Variants in VAV3 observed in about 807,000 individuals in gnomAD.
VAV3 encodes the protein guanine nucleotide exchange factor VAV3.
VAV3 carries 94 observed loss-of-function variants against 131.2 expected under a neutral mutation model. The ratio of observed to expected loss-of-function variants is 0.72; its 90% CI spans 0.61 to 0.85. The LOEUF is 0.85. VAV3 is among the 40% of genes least tolerant of loss of function. The probability of loss-of-function intolerance (pLI) is 0.00; values close to 1 mark genes in which losing one functional copy is unlikely to be tolerated. For synonymous variants in VAV3, 349 were observed against 342.0 expected (o/e 1.02, Z -0.22); for missense variants, 939 against 1,002.7 (o/e 0.94, Z 0.86).
At chr1:107,834,574 A>G (rs1032194487) in intron 2 of VAV3, among the ~76,000 whole-genome samples, 5 of 151,918 alleles carry the variant, frequency 3.3e-5, no homozygotes, top group African/African-American at 1.2e-4. Flanking sequence ...GACAGACCAC[A>G]TTCCAGGCCA....
chr1:107,726,576 A>G (rs1661855521), intron 15 of VAV3, among the ~76,000 whole-genome samples: 1 of 152,220 alleles, frequency 6.6e-6, no homozygotes, highest in Admixed American at 6.5e-5. Flanking sequence ...GCTAGCAGTT[A>G]TCAAGCTCTC....
chr1:107,855,858 C>T (rs1437326799), intron 2 of VAV3, among the ~76,000 whole-genome samples: 1 of 152,206 alleles, frequency 6.6e-6, no homozygotes, highest in Non-Finnish European at 1.5e-5. Flanking sequence ...AGAAAAATAC[C>T]TGCTGAGTCC....
At chr1:107,893,495 T>G (rs1351912024) in intron 1 of VAV3, among the ~76,000 whole-genome samples, 2 of 152,168 alleles carry the variant, frequency 1.3e-5, no homozygotes, top group African/African-American at 4.8e-5. Flanking sequence ...GGACTTACAG[T>G]TCCAAGTGGC....
At chr1:107,775,332 G>C (rs970144707) in intron 4 of VAV3, among the ~76,000 whole-genome samples, 11 of 152,104 alleles carry the variant, frequency 7.2e-5, no homozygotes, top group Admixed American at 5.9e-4. Context: ...TGTAGTCCCA[G>C]CACGTTGGGA....
chr1:107,872,609 G>A (rs1670302537), intron 2 of VAV3, among the ~76,000 whole-genome samples: 1 of 152,060 alleles, frequency 6.6e-6, no homozygotes, highest in Admixed American at 6.6e-5. Flanking sequence ...TTACCCACAA[G>A]CTAGGACCTA....
chr1:107,584,760 GA>G (rs1230715011), intron 25 of VAV3, among the ~76,000 whole-genome samples: 1 of 152,148 alleles, frequency 6.6e-6, no homozygotes, highest in Non-Finnish European at 1.5e-5. Context: ...CAATGCTACA[GA>G]GTATAAACAT....
At chr1:107,756,539 A>C (rs1277140652) in intron 11 of VAV3, among the ~76,000 whole-genome samples, 1 of 152,178 alleles carries the variant, frequency 6.6e-6, no homozygotes, top group Non-Finnish European at 1.5e-5. Context: ...TTAAGTAATT[A>C]TGCACTGCTC....
intron 1 of VAV3, among the ~76,000 whole-genome samples, chr1:107,956,467 T>G (rs1674820289): frequency 6.6e-6 from 1 of 152,150 alleles, no homozygotes; most frequent in Non-Finnish European, 1.5e-5. Context: ...CTGATAAGCC[T>G]TTGAAACGTA....
chr1:107,951,941 AC>A (rs933457907), intron 1 of VAV3, among the ~76,000 whole-genome samples: 35 of 152,194 alleles, frequency 2.3e-4, no homozygotes, highest in African/African-American at 8.4e-4. Flanking sequence ...AGACAGAAAT[AC>A]CATTTGACCC....
intron 18 of VAV3, among the ~76,000 whole-genome samples, chr1:107,684,968 C>T (rs1220479955): frequency 6.6e-6 from 1 of 152,154 alleles, no homozygotes; most frequent in Admixed American, 6.5e-5. Context: ...GGGCAACTTG[C>T]TATTTACTTG....
At chr1:107,806,937 C>T (rs1213703128) in intron 2 of VAV3, among the ~76,000 whole-genome samples, 2 of 152,088 alleles carry the variant, frequency 1.3e-5, no homozygotes, top group African/African-American at 2.4e-5. Flanking sequence ...CCTTATAATA[C>T]CTAATACAAT....
intron 20 of VAV3, among the ~76,000 whole-genome samples, chr1:107,632,847 C>A (rs1272350783): frequency 6.6e-5 from 10 of 152,144 alleles, no homozygotes; most frequent in African/African-American, 2.2e-4. Flanking sequence ...ATTACATATA[C>A]CCCAGACATA....
intron 2 of VAV3, among the ~76,000 whole-genome samples, chr1:107,851,396 GAAAAAAAAA>G (rs74262709): frequency 1.3e-5 from 1 of 74,978 alleles, no homozygotes. Flanking sequence ...AAAACACTCA[GAAAAAAAAA>G]AAAAAAAAAG....
chr1:107,963,676 G>C (rs1417580676), intron 1 of VAV3: 1 of 152,260 alleles, frequency 6.6e-6, no homozygotes, highest in African/African-American at 2.4e-5. Context: ...CTGCGTCATA[G>C]AGGATTAGTG....
chr1:107,872,655 T>C (rs980572351), intron 2 of VAV3, among the ~76,000 whole-genome samples: 16 of 152,274 alleles, frequency 1.1e-4, no homozygotes, highest in Admixed American at 6.5e-4. Flanking sequence ...CATGTTGGGA[T>C]TGATGCGCTG....
chr1:107,902,543 GT>G (rs1671911084), intron 1 of VAV3, among the ~76,000 whole-genome samples: 1 of 152,092 alleles, frequency 6.6e-6, no homozygotes, highest in African/African-American at 2.4e-5. Flanking sequence ...TTATGTAGGA[GT>G]TTTTTAGGTA....
At chr1:107,869,244 G>C (rs1206868012) in intron 2 of VAV3, among the ~76,000 whole-genome samples, 1 of 152,052 alleles carries the variant, frequency 6.6e-6, no homozygotes, top group African/African-American at 2.4e-5. Context: ...GAGATCCAAG[G>C]CCACAGAAGG....
chr1:107,864,112 T>A (rs1358232712), intron 2 of VAV3, among the ~76,000 whole-genome samples: 1 of 152,164 alleles, frequency 6.6e-6, no homozygotes, highest in Non-Finnish European at 1.5e-5. Flanking sequence ...CAGAGAGGAT[T>A]ACACAACTAA....
At chr1:107,711,943 C>A (rs1660809952) in intron 15 of VAV3, among the ~76,000 whole-genome samples, 1 of 152,122 alleles carries the variant, frequency 6.6e-6, no homozygotes, top group African/African-American at 2.4e-5. Flanking sequence ...ACCTCAGCCT[C>A]CCAAAGTGCT....
Sources: gnomAD v4.1 joint callset for allele counts (sites outside exome capture counted in the v4.1 genomes callset) on GRCh38, gnomAD v4.1.1 for gene constraint, MANE v1.5 for transcripts, NCBI Gene and HGNC (gene_info 2026-07-23, HGNC 2026-07-21) for gene names.